The following TOPAZ1 variants were observed in gnomAD, a reference collection of about 807,000 sequenced individuals.
TOPAZ1 encodes the protein protein TOPAZ1.
In TOPAZ1, 66 loss-of-function variants were observed where a neutral mutation model predicts 172.2. The ratio of observed to expected loss-of-function variants is 0.38; its 90% CI spans 0.31 to 0.47. TOPAZ1 has a LOEUF of 0.47. TOPAZ1 is among the 20% of genes least tolerant of loss of function. TOPAZ1 has a pLI of 0.99. For synonymous variants in TOPAZ1, 681 were observed against 683.9 expected, an observed-to-expected ratio of 1.00 and a Z score of 0.07; for missense variants, 1,822 against 1,972.4, an observed-to-expected ratio of 0.92 and a Z score of 1.44.
Position 44,256,283 on chromosome 3 carries a change from TA to T in TOPAZ1, c.2955+6del. 6.6e-7 allele frequency: 1 copy of T among 1,509,360 alleles called. No individual in the cohort carries two copies. Among genetic ancestry groups the T allele is most frequent in the African/African-American group, 1.4e-5 (1 of 70,038 alleles). The allele number at this position is 1,509,360 out of a possible 1,614,324, so 93.5% of individuals were successfully genotyped here. A position where few individuals can be genotyped will look rare whatever the true frequency, so the allele number is the denominator to read the frequency against. ...GGTTCAGACTTGGATGAAAAGGTAC[TA>T]GGGGATCTTTTGTGTTTTTTTATTT... On this transcript the variant is annotated splice_donor_region_variant and intron_variant, in intron 4 of 19. Coordinates refer to ENST00000309765, the MANE Select transcript of TOPAZ1 (RefSeq NM_001145030.2).
Position 44,269,410 on chromosome 3 carries a change from C to T in TOPAZ1, c.3246+109C>T, listed in dbSNP as rs571528181. ...TCCTCCACTCCCTCTTTTATCCTCC[C>T]CTTAAAAAAATAATTTTATAAACCA... On this transcript the variant is annotated intron_variant, in intron 7 of 19. Coordinates refer to ENST00000309765, the MANE Select transcript of TOPAZ1 (RefSeq NM_001145030.2). The T allele has an allele frequency of 3.9e-4, 216 of 559,022 alleles. 1 individual carries two copies. Among genetic ancestry groups the T allele is most frequent in the Middle Eastern group, 3.2e-3 (7 of 2,216 alleles). 34.6% of individuals were successfully genotyped at this position (559,022 alleles called of 1,614,324 possible).
intron 4 of TOPAZ1, among the ~76,000 whole-genome samples, chr3:44,260,575 A>T (rs1181049446): frequency 6.6e-6 from 1 of 152,036 alleles, no homozygotes; most frequent in Non-Finnish European, 1.5e-5. Flanking sequence ...TATAGAAACA[A>T]TGTAACTTTT....
intron 7 of TOPAZ1, 147 bp downstream of exon 7, chr3:44,269,448 T>G (rs1199297494): frequency 2.9e-6 from 1 of 344,436 alleles, no homozygotes; most frequent in African/African-American, 2.3e-5. Flanking sequence ...ACTTTGGACC[T>G]TTTGATTGTA....
At chr3:44,330,700 T>C (rs1700657978) in intron 19 of TOPAZ1, among the ~76,000 whole-genome samples, 1 of 152,186 alleles carries the variant, frequency 6.6e-6, no homozygotes. Context: ...CTGCTGGGCC[T>C]GGTAGATACC....
intron 9 of TOPAZ1, among the ~76,000 whole-genome samples, chr3:44,283,244 T>C (rs1381229913): frequency 6.6e-6 from 1 of 152,198 alleles, no homozygotes; most frequent in African/African-American, 2.4e-5. Context: ...CCTGTGGAAA[T>C]TTTTTGGTGT....
chr3:44,260,779 C>T (rs1293275566), intron 4 of TOPAZ1, among the ~76,000 whole-genome samples: 2 of 152,026 alleles, frequency 1.3e-5, no homozygotes, highest in Non-Finnish European at 2.9e-5. Flanking sequence ...TTTTCTTTTG[C>T]TACTTTTAGA....
At chr3:44,306,072 G>C (rs1700333414) in intron 14 of TOPAZ1, among the ~76,000 whole-genome samples, 1 of 152,176 alleles carries the variant, frequency 6.6e-6, no homozygotes, top group African/African-American at 2.4e-5. Context: ...CAAACTTTCT[G>C]TAAAAAGCCG....
intron 16 of TOPAZ1, among the ~76,000 whole-genome samples, chr3:44,319,553 T>G (rs1441612616): frequency 6.6e-6 from 1 of 152,132 alleles, no homozygotes; most frequent in Non-Finnish European, 1.5e-5. Flanking sequence ...AACGAACAGT[T>G]TTACTTTTAA....
Position 44,255,011 on chromosome 3 carries a change from T to G in TOPAZ1, c.2809T>G (p.Cys937Gly). ...LDCGWIKPDICASNSAESEIK... is the reference protein window; with the variant it reads ...LDCGWIKPDIGASNSAESEIK... ...CTGTGGATGGATAAAGCCAGACATCTGTGCTTCCAACTCAGCAGGTAAAAG... is the reference window on the plus strand; with the variant it reads ...CTGTGGATGGATAAAGCCAGACATCGGTGCTTCCAACTCAGCAGGTAAAAG... Residue 937 changes from cysteine (C) to glycine (G), a missense_variant, in exon 3 of 20, where the codon TGT becomes GGT. By Grantham distance (159) the Cys-to-Gly change is radical. Coordinates refer to ENST00000309765, the MANE Select transcript of TOPAZ1 (RefSeq NM_001145030.2). The G allele has an allele frequency of 1.3e-6, 2 of 1,551,568 alleles. No individual in the cohort carries two copies. Among genetic ancestry groups the G allele is most frequent in the Non-Finnish European group, 1.7e-6 (2 of 1,146,828 alleles).
chr3:44,282,064 A>G (rs1700029146), intron 9 of TOPAZ1, 33 bp downstream of exon 9: 1 of 1,331,592 alleles, frequency 7.5e-7, no homozygotes, highest in South Asian at 1.4e-5. Flanking sequence ...GTATGAAGCT[A>G]TTAATGTGTT....
chr3:44,268,361 C>T (rs1329208908), intron 6 of TOPAZ1, among the ~76,000 whole-genome samples: 3 of 132,250 alleles, frequency 2.3e-5, no homozygotes, highest in Non-Finnish European at 4.7e-5. Context: ...TCTGTGGTGC[C>T]TATTCTTTTT....
chr3:44,243,746 G>C lies in TOPAZ1; in HGVS notation c.1240G>C (p.Ala414Pro). The change falls in exon 2 of 20, where the codon GCT (alanine) becomes CCT (proline). Residue 414 changes from alanine (A) to proline (P), a missense_variant. Transcript: ENST00000309765. ...AACAAGTTCTGAACATCATGTAAATGCTGTGTTTCAGAAAACCATTGAACC... is the reference window on the plus strand; with the variant it reads ...AACAAGTTCTGAACATCATGTAAATCCTGTGTTTCAGAAAACCATTGAACC... ...KETSSEHHVN[A>P]VFQKTIEPLL... is the part of the protein sequence containing the mutation. The C allele has an allele frequency of 1.9e-6, 3 of 1,551,668 alleles. No individual in the cohort carries two copies. The highest frequency in any genetic ancestry group is 2.6e-6 in the Non-Finnish European group (3 of 1,146,948).
chr3:44,282,505 C>A (rs1206648463), intron 9 of TOPAZ1, among the ~76,000 whole-genome samples: 3 of 152,170 alleles, frequency 2.0e-5, no homozygotes, highest in Non-Finnish European at 4.4e-5. Context: ...CTGGTTCCAT[C>A]CCATTTCCTC....
At chr3:44,249,160 C>A (rs1481483952) in intron 2 of TOPAZ1, among the ~76,000 whole-genome samples, 1 of 150,634 alleles carries the variant, frequency 6.6e-6, no homozygotes, top group Non-Finnish European at 1.5e-5. Flanking sequence ...GCTAAAATAT[C>A]AGTTGAATGA....
At chr3:44,297,053 C>A (rs915678926) in intron 12 of TOPAZ1, among the ~76,000 whole-genome samples, 1 of 151,306 alleles carries the variant, frequency 6.6e-6, no homozygotes, top group African/African-American at 2.4e-5. Context: ...TGCCTGTAAT[C>A]CCAGCTACTT....
intron 18 of TOPAZ1, among the ~76,000 whole-genome samples, chr3:44,323,980 T>C (rs1357344166): frequency 6.6e-6 from 1 of 152,220 alleles, no homozygotes; most frequent in African/African-American, 2.4e-5. Flanking sequence ...CTATCATGTA[T>C]ATAACAAATA....
intron 12 of TOPAZ1, among the ~76,000 whole-genome samples, chr3:44,302,238 G>A (rs553345640): frequency 4.6e-4 from 70 of 151,940 alleles, no homozygotes; most frequent in Non-Finnish European, 7.9e-4. Context: ...GTGAAGCCCC[G>A]TCTCTACTAA....
chr3:44,285,212 C>T (rs1055155237), intron 9 of TOPAZ1, among the ~76,000 whole-genome samples: 19 of 152,132 alleles, frequency 1.2e-4, no homozygotes, highest in Non-Finnish European at 5.9e-5. Flanking sequence ...CCTGTAATCT[C>T]AGCACTCTGG....
At chr3:44,256,822 G>A (rs887848249) in intron 4 of TOPAZ1, among the ~76,000 whole-genome samples, 35 of 152,116 alleles carry the variant, frequency 2.3e-4, no homozygotes, top group African/African-American at 7.7e-4. Flanking sequence ...TAACAAACTT[G>A]TTTTCGTCTC....
Sources: allele counts gnomAD v4.1 joint callset (sites outside exome capture counted in the v4.1 genomes callset), GRCh38; gene constraint gnomAD v4.1.1; transcripts MANE v1.5; gene names NCBI Gene and HGNC (gene_info 2026-07-23, HGNC 2026-07-21).